NFATC2IP: variants seen among roughly 807,000 people sequenced by gnomAD.
NFATC2IP encodes the protein NFATC2-interacting protein.
NFATC2IP carries 25 observed loss-of-function variants against 40.2 expected under a neutral mutation model. That is an observed-to-expected ratio of 0.62 (90% CI 0.45 to 0.87). The LOEUF (loss-of-function observed/expected upper bound fraction) is 0.87, where lower values mean the gene tolerates loss of function less well. Among genes scored for constraint, NFATC2IP ranks in the 40% least tolerant of loss-of-function variants. The pLI is 0.00. For synonymous variants in NFATC2IP, 241 were observed against 236.3 expected (o/e 1.02, Z -0.18); for missense variants, 553 against 555.6 (o/e 1.00, Z 0.05).
At chr16:28,960,951 AG>A (rs1965078607) in intron 7 of NFATC2IP, among the ~76,000 whole-genome samples, 1 of 152,166 alleles carries the variant, frequency 6.6e-6, no homozygotes, top group African/African-American at 2.4e-5. Context: ...GTGAGCCTGC[AG>A]GGACATTCCC....
intron 6 of NFATC2IP, 36 bp downstream of exon 6, chr16:28,958,897 T>C (rs1204536435): frequency 1.2e-6 from 2 of 1,612,126 alleles, no homozygotes; most frequent in Non-Finnish European, 1.7e-6. Flanking sequence ...CCTTGAGGCA[T>C]TTGCCAGGGG....
At chr16:28,956,801 C>G (rs1373255031) in intron 5 of NFATC2IP, 1 of 163,146 alleles carries the variant, frequency 6.1e-6, no homozygotes, top group Non-Finnish European at 1.3e-5. Context: ...CTGCCCTGGA[C>G]ACAGCAGATG....
chr16:28,954,494 C>A, intron 2 of NFATC2IP, 71 bp from the exon 3 acceptor site: 1 of 1,004,068 alleles, frequency 1.0e-6, no homozygotes, highest in Non-Finnish European at 1.5e-6. Flanking sequence ...AAGCCTCTGA[C>A]TTGTTTCTTC....
At position 28,951,156 on chromosome 16, in the gene NFATC2IP, G is replaced by A. The variant is rs1964961119; in HGVS notation, c.145G>A (p.Asp49Asn). Reference protein sequence around the residue: ...SRGTLDVVSVDLVTDSDEEIL... With the variant: ...SRGTLDVVSVNLVTDSDEEIL... ...GGGCACGCTGGACGTAGTGTCTGTGGACTTGGTCACCGACAGCGATGAGGA... is the reference window on the plus strand; with the variant it reads ...GGGCACGCTGGACGTAGTGTCTGTGAACTTGGTCACCGACAGCGATGAGGA... Residue 49 changes from aspartate (D) to asparagine (N), a missense_variant, in exon 1 of 8, where the codon GAC becomes AAC. Transcript: ENST00000320805. 3 of 1,546,078 alleles carry A rather than the reference G, an allele frequency of 1.9e-6. No individual in the cohort carries two copies. The highest frequency in any genetic ancestry group is 4.9e-5 in the East Asian group (2 of 40,638).
rs1187081028 is a variant in NFATC2IP, at chr16:28,956,170, C to G, written c.679C>G (p.Gln227Glu). Residue 227 changes from glutamine (Q) to glutamate (E), a missense_variant, in exon 5 of 8, where the codon CAG becomes GAG. Physicochemically the swap from Gln to Glu is conservative, Grantham distance 29. Coordinates refer to ENST00000320805, the MANE Select transcript of NFATC2IP (RefSeq NM_032815.4). ...KKLSEVNKRL[Q>E]DLRSCLSPKP... ...CTGCAGTGAGGTGAACAAGCGCCTC[C>G]AGGATCTCCGTTCCTGTCTGAGCCC... 3.1e-6 allele frequency: 5 copies of G among 1,614,084 alleles called. No homozygotes were observed. The highest frequency in any genetic ancestry group is 4.2e-6 in the Non-Finnish European group (5 of 1,180,002).
intron 7 of NFATC2IP, among the ~76,000 whole-genome samples, chr16:28,960,787 A>G (rs1175357043): frequency 6.6e-6 from 1 of 152,080 alleles, no homozygotes; most frequent in African/African-American, 2.4e-5. Context: ...TTTATTGGAA[A>G]CTTTTATTCC....
rs766542932 is a variant in NFATC2IP at position 28,954,665 on chromosome 16, G to C, written c.561G>C (p.Lys187Asn). ...TKLRTKDKEEKKKTEFLDLDN... is the reference protein window; with the variant it reads ...TKLRTKDKEENKKTEFLDLDN... ...TGAGGACTAAGGATAAAGAAGAGAAGAAAAAGACAGAGTTTCTGTGAGTGA... is the reference window on the plus strand; with the variant it reads ...TGAGGACTAAGGATAAAGAAGAGAACAAAAAGACAGAGTTTCTGTGAGTGA... The change falls in exon 3 of 8, where the codon AAG (lysine) becomes AAC (asparagine). Residue 187 changes from lysine (K) to asparagine (N), a missense_variant. Coordinates refer to ENST00000320805, the MANE Select transcript of NFATC2IP (RefSeq NM_032815.4). 7 of 1,612,318 alleles carry C rather than the reference G, an allele frequency of 4.3e-6. No homozygotes were observed. Among genetic ancestry groups the C allele is most frequent in the Non-Finnish European group, 5.9e-6 (7 of 1,178,768 alleles).
chr16:28,960,769 G>A (rs2141647183), intron 7 of NFATC2IP, among the ~76,000 whole-genome samples: 1 of 152,236 alleles, frequency 6.6e-6, no homozygotes, highest in Admixed American at 6.5e-5. Context: ...AGCCATGATT[G>A]CGCCACCTTT....
rs575639593 is a variant in NFATC2IP, at chr16:28,951,552, G to C, written c.387+154G>C. ...GTTAGGGTGTTGGAGGCAGGGAGAG[G>C]CAGGGCTCCGGGACTTTCTGCAGAC... On this transcript the variant is annotated intron_variant, in intron 1 of 7. Coordinates refer to ENST00000320805, the MANE Select transcript of NFATC2IP (RefSeq NM_032815.4). Among the ~76,000 whole-genome samples the C allele has an allele frequency of 3.8e-4, 58 of 152,122 alleles. 1 individual carries two copies. Among genetic ancestry groups the C allele is most frequent in the Admixed American group, 7.9e-4 (12 of 15,272 alleles).
chr16:28,954,787 G>A, intron 3 of NFATC2IP, 105 bp downstream of exon 3: 1 of 670,614 alleles, frequency 1.5e-6, no homozygotes, highest in Middle Eastern at 3.1e-4. Context: ...TTAAGAAGAA[G>A]GGATAGAAGG....
At position 28,966,239 on chromosome 16, in the gene NFATC2IP, G is replaced by A. The variant is rs1404201394; in HGVS notation, c.*2376G>A. Reference sequence around the variant, plus strand: ...TGCTGAAGTCCAGCTGGTACACACCGGGGTGACACCTTGGCTGCATCTGTT... The same window carrying A: ...TGCTGAAGTCCAGCTGGTACACACCAGGGTGACACCTTGGCTGCATCTGTT... On this transcript the variant is annotated 3_prime_UTR_variant, in exon 8 of 8. Coordinates refer to ENST00000320805, the MANE Select transcript of NFATC2IP (RefSeq NM_032815.4). 3 of 152,104 alleles carry A rather than the reference G, an allele frequency of 2.0e-5. No homozygotes were observed. The highest frequency in any genetic ancestry group is 2.9e-5 in the Non-Finnish European group (2 of 68,026). The allele number at this position is 152,104 out of a possible 1,614,324, so 9.4% of individuals were successfully genotyped here.
chr16:28,955,901 C>T, intron 3 of NFATC2IP, 77 bp from the exon 4 acceptor site: 1 of 1,175,506 alleles, frequency 8.5e-7, no homozygotes, highest in South Asian at 1.2e-5. Flanking sequence ...GCTTGATTGT[C>T]CAAGGATCTG....
rs151214931 is a variant in NFATC2IP at position 28,958,592 on chromosome 16, T to C, written c.847-125T>C. 469 of 793,664 alleles carry C rather than the reference T, an allele frequency of 5.9e-4. 2 individuals are homozygous for C. The African/African-American group carries it at 7.1e-3, about 12-fold the overall frequency. The allele number at this position is 793,664 out of a possible 1,614,324, so 49.2% of individuals were successfully genotyped here. A position where few individuals can be genotyped will look rare whatever the true frequency, so the allele number is the denominator to read the frequency against. On this transcript the variant is annotated intron_variant, in intron 5 of 7. Coordinates refer to ENST00000320805, the MANE Select transcript of NFATC2IP (RefSeq NM_032815.4). ...TATTCTATACCTTGCCAGGTAAATA[T>C]GATGAAACTCACAGCTGAGGAGCTT...
intron 7 of NFATC2IP, among the ~76,000 whole-genome samples, chr16:28,960,210 A>G (rs1346689023): frequency 2.6e-5 from 4 of 152,134 alleles, no homozygotes; most frequent in Admixed American, 6.5e-5. Flanking sequence ...CCTCATCTCA[A>G]CTTGATTATA....
rs1201709897 is a variant in NFATC2IP, at chr16:28,950,987, C to T, written c.-25C>T. ...GCGGGGCGAGGCGAGAGGAGGCGGG[C>T]GTGTGTTGTGGAGGAAAGTGTGCCA... On this transcript the variant is annotated 5_prime_UTR_variant, in exon 1 of 8. Transcript: ENST00000320805. 1 of 1,467,850 alleles carries T rather than the reference C, an allele frequency of 6.8e-7. No homozygotes were observed. The highest frequency in any genetic ancestry group is 9.0e-7 in the Non-Finnish European group (1 of 1,115,148). The allele number at this position is 1,467,850 out of a possible 1,614,324, so 90.9% of individuals were successfully genotyped here.
In NFATC2IP at chr16:28,951,045, T is replaced by C. The variant is rs1964958383; in HGVS notation, c.34T>C (p.Ser12Pro). The C allele has an allele frequency of 6.5e-7, 1 of 1,540,328 alleles. No homozygotes were observed. Among genetic ancestry groups the C allele is most frequent in the Non-Finnish European group, 8.7e-7 (1 of 1,144,552 alleles). The part of the protein sequence containing the change: ...AEPVGKRGRW[S>P]GGSGAGRGGR... ...GCCTGTGGGGAAGCGGGGCCGCTGGTCCGGAGGTAGCGGTGCCGGCCGAGG... is the reference window on the plus strand; with the variant it reads ...GCCTGTGGGGAAGCGGGGCCGCTGGCCCGGAGGTAGCGGTGCCGGCCGAGG... Residue 12 changes from serine (S) to proline (P), a missense_variant, in exon 1 of 8, where the codon TCC (serine) becomes CCC (proline). Transcript: ENST00000320805.
At chr16:28,953,092 T>G (rs1174951921) in intron 2 of NFATC2IP, among the ~76,000 whole-genome samples, 2 of 151,882 alleles carry the variant, frequency 1.3e-5, no homozygotes, top group African/African-American at 4.8e-5. Context: ...TTTCTTGTTT[T>G]GAGACAGAGT....
chr16:28,960,968 T>C (rs997379773), intron 7 of NFATC2IP, among the ~76,000 whole-genome samples: 1 of 152,128 alleles, frequency 6.6e-6, no homozygotes, highest in Non-Finnish European at 1.5e-5. Flanking sequence ...TTCCCTTTAA[T>C]GTCCATATTT....
intron 7 of NFATC2IP, 143 bp from the exon 8 acceptor site, chr16:28,963,560 CCT>C (rs1965111170): frequency 1.4e-5 from 9 of 652,754 alleles, no homozygotes; most frequent in South Asian, 1.2e-4. Context: ...GCTTCTTTGT[CCT>C]CTCTCCTTTC....
Sources: gnomAD v4.1 joint callset for allele counts (sites outside exome capture counted in the v4.1 genomes callset) on GRCh38, gnomAD v4.1.1 for gene constraint, MANE v1.5 for transcripts, NCBI Gene and HGNC (gene_info 2026-07-23, HGNC 2026-07-21) for gene names.